PSPC1: variants seen among roughly 807,000 people sequenced by gnomAD.
PSPC1 encodes paraspeckle protein 1.
PSPC1 carries 14 observed loss-of-function variants against 51.6 expected under a neutral mutation model. The observed-to-expected ratio is 0.27, with a 90% CI of 0.18 to 0.42. The LOEUF is 0.42. PSPC1 is among the 10% of genes least tolerant of loss of function. The probability of loss-of-function intolerance (pLI) is 1.00; values close to 1 mark genes in which losing one functional copy is unlikely to be tolerated. For synonymous variants in PSPC1, 193 were observed against 231.9 expected, an observed-to-expected ratio of 0.83 and a Z score of 1.53; for missense variants, 406 against 701.1, an observed-to-expected ratio of 0.58 and a Z score of 4.75.
chr13:19,745,653 TC>T (rs1208015145), intron 4 of PSPC1, among the ~76,000 whole-genome samples: 1 of 150,026 alleles, frequency 6.7e-6, no homozygotes, highest in Non-Finnish European at 1.5e-5. Flanking sequence ...GGAGTCTCGC[TC>T]TGTCGCCCTG....
chr13:19,755,724 T>G (rs980650613), intron 3 of PSPC1, among the ~76,000 whole-genome samples: 1 of 152,166 alleles, frequency 6.6e-6, no homozygotes, highest in Non-Finnish European at 1.5e-5. Flanking sequence ...GAATGCTCCC[T>G]TCTCAGTCGT....
chr13:19,753,974 TA>T (rs1886820295), intron 3 of PSPC1, among the ~76,000 whole-genome samples: 8 of 152,018 alleles, frequency 5.3e-5, no homozygotes, highest in Admixed American at 5.2e-4. Flanking sequence ...ATTTTTAAAT[TA>T]TTTATTTTCT....
At chr13:19,725,914 A>T (rs913674520) in intron 6 of PSPC1, among the ~76,000 whole-genome samples, 4 of 152,172 alleles carry the variant, frequency 2.6e-5, no homozygotes, top group African/African-American at 9.7e-5. Flanking sequence ...TAGTCCCACT[A>T]TTCAGGAGAC....
At chr13:19,755,150 C>T (rs1593720401) in intron 3 of PSPC1, among the ~76,000 whole-genome samples, 1 of 151,666 alleles carries the variant, frequency 6.6e-6, no homozygotes, top group South Asian at 2.1e-4. Context: ...GTGGAAGGAT[C>T]ACTTGAGACC....
chr13:19,705,035 C>CA (rs1880468564), intron 8 of PSPC1, among the ~76,000 whole-genome samples: 1 of 152,138 alleles, frequency 6.6e-6, no homozygotes, highest in Non-Finnish European at 1.5e-5. Flanking sequence ...AAGGAGTCCA[C>CA]ACAGGAAAAG....
chr13:19,745,611 C>G (rs1431526707), intron 4 of PSPC1, among the ~76,000 whole-genome samples: 2 of 151,246 alleles, frequency 1.3e-5, no homozygotes, highest in Non-Finnish European at 2.9e-5. Context: ...ATTTATGACA[C>G]TGAATTAATT....
intron 5 of PSPC1, among the ~76,000 whole-genome samples, chr13:19,734,817 A>C (rs972527362): frequency 1.1e-4 from 17 of 151,624 alleles, no homozygotes; most frequent in Admixed American, 5.3e-4. Context: ...AAAAATAATA[A>C]GAATATAAAA....
intron 8 of PSPC1, among the ~76,000 whole-genome samples, chr13:19,704,180 C>T (rs1269940529): frequency 1.8e-4 from 28 of 152,370 alleles, no homozygotes; most frequent in African/African-American, 6.0e-4. Context: ...ATATGCCACA[C>T]AAAAACTTAA....
At chr13:19,761,750 G>A (rs898659863) in intron 2 of PSPC1, among the ~76,000 whole-genome samples, 1 of 152,132 alleles carries the variant, frequency 6.6e-6, no homozygotes, top group Non-Finnish European at 1.5e-5. Context: ...AAAAGGCCCA[G>A]GGCCAAAATG....
chr13:19,762,707 A>G (rs1887709367), intron 2 of PSPC1, among the ~76,000 whole-genome samples: 1 of 152,202 alleles, frequency 6.6e-6, no homozygotes, highest in Non-Finnish European at 1.5e-5. Context: ...ATGTGTTTCT[A>G]TCTATGGTTT....
intron 6 of PSPC1, among the ~76,000 whole-genome samples, chr13:19,684,715 T>C (rs1877659038): frequency 6.6e-6 from 1 of 152,174 alleles, no homozygotes; most frequent in Non-Finnish European, 1.5e-5. Context: ...GATCATCTGT[T>C]TAAATGCAGG....
intron 2 of PSPC1, among the ~76,000 whole-genome samples, chr13:19,765,895 TATA>T (rs934049430): frequency 1.1e-4 from 16 of 152,302 alleles, no homozygotes; most frequent in South Asian, 2.1e-4. Flanking sequence ...ATGGAAATAT[TATA>T]ATGTTTTTCT....
chr13:19,683,829 T>C (rs1206082067), intron 6 of PSPC1, among the ~76,000 whole-genome samples: 1 of 152,106 alleles, frequency 6.6e-6, no homozygotes, highest in Non-Finnish European at 1.5e-5. Context: ...AAAATATATA[T>C]GTATATATGC....
Position 19,676,491 on chromosome 13 carries a change from A to G in PSPC1, c.*76+1233T>C, listed in dbSNP as rs1349091664. On this transcript the variant is annotated intron_variant and NMD_transcript_variant, in intron 7 of 7. Transcript: ENST00000471658. ...GGTGTCAGATACTTTGAAAAGGTAT[A>G]ATTTCTCAAAACTACAGAATACATC... Among the ~76,000 whole-genome samples, 7 of 152,342 alleles carry G rather than the reference A, an allele frequency of 4.6e-5. No homozygotes were observed. The East Asian group carries it at 5.8e-4, about 13-fold the overall frequency.
chr13:19,732,967 T>A (rs1328357343), intron 5 of PSPC1, among the ~76,000 whole-genome samples: 3 of 150,758 alleles, frequency 2.0e-5, no homozygotes, highest in Non-Finnish European at 4.4e-5. Flanking sequence ...AAACACCAAC[T>A]TTTTAGTCTC....
intron 6 of PSPC1, among the ~76,000 whole-genome samples, chr13:19,696,598 A>C (rs976933751): frequency 3.9e-5 from 6 of 152,122 alleles, no homozygotes; most frequent in Non-Finnish European, 7.4e-5. Context: ...TACACTTATC[A>C]AATCTTTTAT....
intron 7 of PSPC1, among the ~76,000 whole-genome samples, chr13:19,707,381 T>C (rs1350407073): frequency 6.6e-6 from 1 of 152,248 alleles, no homozygotes; most frequent in Non-Finnish European, 1.5e-5. Flanking sequence ...ATCTGATTAC[T>C]AGAAAGGTAG....
chr13:19,764,479 T>C (rs1252879323), intron 2 of PSPC1, among the ~76,000 whole-genome samples: 1 of 152,020 alleles, frequency 6.6e-6, no homozygotes, highest in Non-Finnish European at 1.5e-5. Flanking sequence ...GCTGATCTTT[T>C]CTTAGAACTG....
downstream of PSPC1, among the ~76,000 whole-genome samples, chr13:19,700,968 G>A (rs1486742358): frequency 1.3e-5 from 2 of 152,230 alleles, no homozygotes; most frequent in African/African-American, 4.8e-5. Flanking sequence ...CTAAAAACAC[G>A]GAATAACTGG....
Sources: allele counts gnomAD v4.1 joint callset (sites outside exome capture counted in the v4.1 genomes callset), GRCh38; gene constraint gnomAD v4.1.1; transcripts MANE v1.5; gene names NCBI Gene and HGNC (gene_info 2026-07-23, HGNC 2026-07-21).